Variants in CRTC2 observed in about 807,000 individuals in gnomAD.
The protein encoded by CRTC2 is CREB regulated transcription coactivator 2, also known as CREB-regulated transcription coactivator 2.
A neutral mutation model predicts 70.9 loss-of-function variants in CRTC2; 25 were observed. The ratio of observed to expected loss-of-function variants is 0.35; its 90% confidence interval spans 0.26 to 0.49. CRTC2 has a LOEUF of 0.49. CRTC2 is among the 20% of genes least tolerant of loss of function. The pLI is 0.98. For synonymous variants in CRTC2, 330 were observed against 364.1 expected, an observed-to-expected ratio of 0.91 and a Z score of 1.07; for missense variants, 737 against 882.6, an observed-to-expected ratio of 0.83 and a Z score of 2.09.
chr1:153,952,104 C>A lies in CRTC2; in HGVS notation c.911G>T (p.Gly304Val), dbSNP rs746224206. 6.2e-7 allele frequency: 1 copy of A among 1,614,022 alleles called. No individual in the cohort carries two copies. The highest frequency in any genetic ancestry group is 2.2e-5 in the East Asian group (1 of 44,872). Residue 304 changes from glycine (G) to valine (V), a missense_variant, in exon 10 of 14, where the codon GGC becomes GTC. Gly to Val is a moderately radical substitution (Grantham distance 109). This residue lies in a region of CRTC2 where 699 missense variants were observed against 823.7 expected (regional missense o/e 0.85). Transcript: ENST00000368633. ...EETAYPSLSGGNSTSNLTHTM... is the reference protein window; with the variant it reads ...EETAYPSLSGVNSTSNLTHTM... ...GTGGGTCAAATTGGAGGTACTGTTG[C>A]CCCCACTCAGGCTAGGGTAGGCTGT...
At chr1:153,958,164 T>TC (rs758539900) in intron 1 of CRTC2, 181 bp downstream of exon 1, 1 of 1,418,424 alleles carries the variant, frequency 7.1e-7, no homozygotes, top group Non-Finnish European at 9.2e-7. Context: ...TGTTTCGGTC[T>TC]CCCCCGGCAA....
Position 153,951,567 on chromosome 1 carries a change from G to A in CRTC2, c.1097C>T (p.Ser366Phe), listed in dbSNP as rs976347390. The change falls in exon 11 of 14, where the codon TCC becomes TTC. Residue 366 changes from serine (S) to phenylalanine (F), a missense_variant. Ser to Phe is a radical substitution (Grantham distance 155). Coordinates refer to ENST00000368633, the MANE Select transcript of CRTC2 (RefSeq NM_181715.3). ...LSSPQPQLQGSHSHPSLPASS... is the reference protein window; with the variant it reads ...LSSPQPQLQGFHSHPSLPASS... ...GGCAGGCAGAGAGGGGTGGCTGTGG[G>A]AGCCCTGAAGCTGGGGCTGAGGACT... 2 of 1,611,956 alleles carry A rather than the reference G, an allele frequency of 1.2e-6. No homozygotes were observed. The highest frequency in any genetic ancestry group is 3.3e-5 in the Admixed American group (2 of 59,818).
rs752259202 is a variant in CRTC2, at chr1:153,951,388, G to T, written c.1276C>A (p.His426Asn). ...GGGCTGAGGGGCACACGGCGGTGGTGGGGGGAGGCCCCAGGGGTAGAAGCA... is the reference window on the plus strand; with the variant it reads ...GGGCTGAGGGGCACACGGCGGTGGTTGGGGGAGGCCCCAGGGGTAGAAGCA... ...YPASTPGASP[H>N]HRRVPLSPLS... is the part of the protein sequence containing the mutation. The change falls in exon 11 of 14, where the codon CAC becomes AAC. Residue 426 changes from histidine to asparagine, a missense_variant. By Grantham distance (68) the His-to-Asn change is moderately conservative. Around this residue, in one of 3 missense-constraint regions of CRTC2, gnomAD observed 699 missense variants for 823.7 expected, o/e 0.85. Coordinates refer to ENST00000368633, the MANE Select transcript of CRTC2 (RefSeq NM_181715.3). 2.6e-5 allele frequency: 42 copies of T among 1,609,618 alleles called. No homozygotes were observed. The highest frequency in any genetic ancestry group is 2.5e-4 in the South Asian group (23 of 90,708).
intron 8 of CRTC2, 23 bp downstream of exon 8, chr1:153,952,548 G>A: frequency 6.2e-7 from 1 of 1,613,452 alleles, no homozygotes; most frequent in Non-Finnish European, 8.5e-7. Flanking sequence ...ACTAGTGGGT[G>A]ACACCCGGTG....
intron 11 of CRTC2, among the ~76,000 whole-genome samples, chr1:153,950,633 G>A (rs757442425): frequency 1.3e-5 from 2 of 152,308 alleles, no homozygotes; most frequent in East Asian, 1.9e-4. Context: ...TAAGAGCTTC[G>A]AGTTCTAGTC....
At position 153,948,214 on chromosome 1, in the gene CRTC2, G is replaced by T; in HGVS notation, c.1977C>A (p.Arg659=). The change falls in exon 14 of 14, where the codon CGC becomes CGA. Residue 659 remains arginine, a synonymous_variant. Transcript: ENST00000368633. ...ELGLGLEDEL[R]MEPLGLEGLN... Reference sequence around the variant, plus strand: ...GCCCTTCCAGGCCCAGTGGCTCCATGCGCAGCTCATCTTCTAGCCCAAGCC... The same window carrying T: ...GCCCTTCCAGGCCCAGTGGCTCCATTCGCAGCTCATCTTCTAGCCCAAGCC... 1 of 1,614,242 alleles carries T rather than the reference G, an allele frequency of 6.2e-7. No homozygotes were observed. Among genetic ancestry groups the T allele is most frequent in the Non-Finnish European group, 8.5e-7 (1 of 1,180,038 alleles).
Position 153,949,346 on chromosome 1 carries a change from C to G in CRTC2, c.1443G>C (p.Gln481His). The G allele has an allele frequency of 6.2e-7, 1 of 1,613,470 alleles. No homozygotes were observed. The highest frequency in any genetic ancestry group is 8.5e-7 in the Non-Finnish European group (1 of 1,179,860). The change falls in exon 12 of 14, where the codon CAG becomes CAC. Residue 481 changes from glutamine to histidine, a missense_variant. Coordinates refer to ENST00000368633, the MANE Select transcript of CRTC2 (RefSeq NM_181715.3). Reference sequence around the variant, plus strand: ...AGCTGTATGGGTATGGGGGTAACCGCTGGTCAGTGGACAGTTTACTGGTAT... The same window carrying G: ...AGCTGTATGGGTATGGGGGTAACCGGTGGTCAGTGGACAGTTTACTGGTAT... Reference protein sequence around the residue: ...PLDTSKLSTDQRLPPYPYSSP... With the variant: ...PLDTSKLSTDHRLPPYPYSSP...
Position 153,958,583 on chromosome 1 carries a change from CA to C in CRTC2, c.-87del. The C allele has an allele frequency of 7.4e-7, 1 of 1,355,280 alleles. No homozygotes were observed. Among genetic ancestry groups the C allele is most frequent in the Non-Finnish European group, 9.9e-7 (1 of 1,011,616 alleles). 84.0% of individuals were successfully genotyped at this position (1,355,280 alleles called of 1,614,324 possible). A position where few individuals can be genotyped will look rare whatever the true frequency, so the allele number is the denominator to read the frequency against. ...TCGGCCCGGCTCCTCCAGCCGTAGC[CA>C]CCGCCGCCTCAGCGAGCACCGCGAA... On this transcript the variant is annotated 5_prime_UTR_variant, in exon 1 of 14. Coordinates refer to ENST00000368633, the MANE Select transcript of CRTC2 (RefSeq NM_181715.3).
Position 153,952,615 on chromosome 1 carries a change from A to G in CRTC2, c.658T>C (p.Leu220=). The change falls in exon 8 of 14, where the codon TTG becomes CTG. Residue 220 remains leucine (L), a synonymous_variant. Transcript: ENST00000368633. ...TTCAGCAAATGCTTGTCATCTAGCA[A>G]GTTCTCCTCAATAGCAGGTACTTGA... ...DPKVPAIEEN[L]LDDKHLLKPW... 1.9e-6 allele frequency: 3 copies of G among 1,614,216 alleles called. No homozygotes were observed. The highest frequency in any genetic ancestry group is 2.5e-6 in the Non-Finnish European group (3 of 1,180,044).
intron 4 of CRTC2, 103 bp from the exon 5 acceptor site, chr1:153,953,709 G>A (rs1680478258): frequency 7.2e-6 from 5 of 694,318 alleles, no homozygotes; most frequent in Non-Finnish European, 1.2e-5. Context: ...AAGTAAAGAT[G>A]GCTGAGCACC....
rs750965993 is a variant in CRTC2 at position 153,948,327 on chromosome 1, C to T, written c.1864G>A (p.Asp622Asn). The T allele has an allele frequency of 1.9e-6, 3 of 1,614,232 alleles. No homozygotes were observed. Among genetic ancestry groups the T allele is most frequent in the East Asian group, 2.2e-5 (1 of 44,890 alleles). ...GSGPNIILTG[D>N]SSPGFSKEIA... Reference sequence around the variant, plus strand: ...TCCTTAGAGAAACCTGGAGAGGAGTCCCCTGTGGGTAGAAGAGACAGGTGA... The same window carrying T: ...TCCTTAGAGAAACCTGGAGAGGAGTTCCCTGTGGGTAGAAGAGACAGGTGA... Residue 622 changes from aspartate (D) to asparagine (N), a missense_variant and splice_region_variant, in exon 14 of 14, where the codon GAC (aspartate) becomes AAC (asparagine). By Grantham distance (23) the Asp-to-Asn change is conservative. Coordinates refer to ENST00000368633, the MANE Select transcript of CRTC2 (RefSeq NM_181715.3).
At position 153,951,566 on chromosome 1, in the gene CRTC2, G is replaced by C. The variant is rs1487479449; in HGVS notation, c.1098C>G (p.Ser366=). 6.2e-7 allele frequency: 1 copy of C among 1,612,052 alleles called. No homozygotes were observed. The highest frequency in any genetic ancestry group is 8.5e-7 in the Non-Finnish European group (1 of 1,178,986). ...AGGCAGGCAGAGAGGGGTGGCTGTG[G>C]GAGCCCTGAAGCTGGGGCTGAGGAC... The part of the protein sequence containing the change: ...LSSPQPQLQG[S]HSHPSLPASS... Residue 366 remains serine, a synonymous_variant, in exon 11 of 14, where the codon TCC becomes TCG. Coordinates refer to ENST00000368633, the MANE Select transcript of CRTC2 (RefSeq NM_181715.3).
intron 1 of CRTC2, among the ~76,000 whole-genome samples, chr1:153,955,420 A>T (rs188204640): frequency 2.0e-4 from 31 of 151,994 alleles, no homozygotes; most frequent in African/African-American, 5.5e-4. Context: ...ACAAAAAATT[A>T]GCCGGGCGTG....
In CRTC2 at chr1:153,952,334, A is replaced by C. The variant is rs1571076865; in HGVS notation, c.752+63T>G. ...CAGTGGTCAGGGAAGAGCAGAGATC[A>C]GTCTCCTACATCTCCCTGTACTTCC... On this transcript the variant is annotated intron_variant, in intron 9 of 13. Transcript: ENST00000368633. The C allele has an allele frequency of 5.0e-6, 8 of 1,605,504 alleles. No individual in the cohort carries two copies. The East Asian group carries it at 8.9e-5, about 18-fold the overall frequency.
chr1:153,951,311 C>T lies in CRTC2; in HGVS notation c.1353G>A (p.Leu451=), dbSNP rs781759272. 6.2e-7 allele frequency: 1 copy of T among 1,614,020 alleles called. No homozygotes were observed. Among genetic ancestry groups the T allele is most frequent in the Non-Finnish European group, 8.5e-7 (1 of 1,180,000 alleles). ...ACATTGTTGGCGAAAACTGTTTGGG[C>T]AGCTGCTGTTGGGACCTTCTGGCGT... ...PADARRSQQQ[L]PKQFSPTMSP... is the part of the protein sequence containing the mutation. Residue 451 remains leucine, a synonymous_variant, in exon 11 of 14, where the codon CTG becomes CTA. Coordinates refer to ENST00000368633, the MANE Select transcript of CRTC2 (RefSeq NM_181715.3).
intron 3 of CRTC2, 61 bp downstream of exon 3, chr1:153,954,812 G>T: frequency 2.1e-6 from 3 of 1,420,012 alleles, no homozygotes; most frequent in Non-Finnish European, 3.0e-6. Context: ...CTTCCTATGA[G>T]TCCCTGAGGA....
rs890035726 is a variant in CRTC2, at chr1:153,951,427, C to T, written c.1237G>A (p.Ala413Thr). ...SSSTSSPVLG[A>T]PSYPASTPGA... Reference sequence around the variant, plus strand: ...GGGGTAGAAGCAGGGTAAGAGGGGGCGCCCAAAACAGGAGATGAAGTGGAG... The same window carrying T: ...GGGGTAGAAGCAGGGTAAGAGGGGGTGCCCAAAACAGGAGATGAAGTGGAG... The change falls in exon 11 of 14, where the codon GCC becomes ACC. Residue 413 changes from alanine to threonine, a missense_variant. By Grantham distance (58) the Ala-to-Thr change is moderately conservative. This residue lies in a region of CRTC2 where 699 missense variants were observed against 823.7 expected (regional missense o/e 0.85). Transcript: ENST00000368633. The T allele has an allele frequency of 7.5e-6, 12 of 1,601,746 alleles. No homozygotes were observed. Among genetic ancestry groups the T allele is most frequent in the African/African-American group, 2.7e-5 (2 of 74,426 alleles).
chr1:153,953,477 G>A, intron 5 of CRTC2, 61 bp downstream of exon 5: 1 of 1,554,476 alleles, frequency 6.4e-7, no homozygotes, highest in South Asian at 1.1e-5. Flanking sequence ...TGGGGGTGAG[G>A]GAGCAGGGCC....
Position 153,948,051 on chromosome 1 carries a change from G to A in CRTC2, c.*58C>T. The A allele has an allele frequency of 1.3e-6, 2 of 1,517,332 alleles. No individual in the cohort carries two copies. Among genetic ancestry groups the A allele is most frequent in the Non-Finnish European group, 9.1e-7 (1 of 1,096,282 alleles). The allele number at this position is 1,517,332 out of a possible 1,614,324, so 94.0% of individuals were successfully genotyped here. On this transcript the variant is annotated 3_prime_UTR_variant, in exon 14 of 14. Coordinates refer to ENST00000368633, the MANE Select transcript of CRTC2 (RefSeq NM_181715.3). The stretch of plus-strand genomic sequence containing the variant: ...GAGTCTCTACCTGCCAGGGGGAAGG[G>A]AGGAAAGGAATGGTGGTGGGGGATG...
Sources: allele counts gnomAD v4.1 joint callset (sites outside exome capture counted in the v4.1 genomes callset), GRCh38; gene constraint gnomAD v4.1.1; regional missense constraint gnomAD v4.1.1; transcripts MANE v1.5; gene names NCBI Gene and HGNC (gene_info 2026-07-23, HGNC 2026-07-21).